Variants in ALPL observed in about 807,000 individuals in gnomAD.
The protein encoded by ALPL is alkaline phosphatase, biomineralization associated.
A neutral mutation model predicts 51.3 loss-of-function variants in ALPL; 42 were observed. The observed-to-expected ratio is 0.82, with a 90% CI of 0.64 to 1.06. ALPL has a LOEUF of 1.06. ALPL is among the 50% of genes least tolerant of loss of function. The pLI, the probability that ALPL is intolerant of heterozygous loss-of-function variation, is 0.00. For synonymous variants in ALPL, 279 were observed against 296.4 expected (o/e 0.94, Z 0.60); for missense variants, 589 against 709.4 (o/e 0.83, Z 1.93).
At chr1:21,551,619 G>A (rs1017523358) in intron 1 of ALPL, among the ~76,000 whole-genome samples, 2 of 150,674 alleles carry the variant, frequency 1.3e-5, no homozygotes, top group African/African-American at 4.9e-5. Flanking sequence ...GTTGTTAGAT[G>A]TTAGATGTGG....
chr1:21,535,707 A>G (rs1349153589), intron 1 of ALPL, among the ~76,000 whole-genome samples: 2 of 152,128 alleles, frequency 1.3e-5, no homozygotes, highest in Non-Finnish European at 2.9e-5. Flanking sequence ...AGCTCATGAC[A>G]CTTAGCTTTC....
chr1:21,523,999 C>CTTTTTT (rs10571494), intron 1 of ALPL, among the ~76,000 whole-genome samples: 3 of 94,548 alleles, frequency 3.2e-5, no homozygotes, highest in African/African-American at 4.1e-5. Context: ...CAAATCTCTG[C>CTTTTTT]TTTTTTTTTT....
chr1:21,561,871 T>C (rs1644490565), intron 4 of ALPL, among the ~76,000 whole-genome samples: 1 of 152,082 alleles, frequency 6.6e-6, no homozygotes, highest in Non-Finnish European at 1.5e-5. Context: ...TTCACCCTGT[T>C]GGCCAGGCTG....
In ALPL at chr1:21,564,210, C is replaced by T. The variant is rs1185263961; in HGVS notation, c.642C>T (p.Asp214=). Reference sequence around the variant, plus strand: ...ACCAGCTCATGCATAACATCAGGGACATTGACGTGAGTGCTCGGGGGCAGC... The same window carrying T: ...ACCAGCTCATGCATAACATCAGGGATATTGACGTGAGTGCTCGGGGGCAGC... The part of the protein sequence containing the change: ...IAYQLMHNIR[D]IDVIMGGGRK... The change falls in exon 6 of 12, where the codon GAC becomes GAT. Residue 214 remains aspartate (D), a synonymous_variant. Transcript: ENST00000374840. This position sits in a 1 kb window ranked among gnomAD's most constrained non-coding sequence, Gnocchi z 5.8. The T allele has an allele frequency of 6.2e-7, 1 of 1,613,652 alleles. No homozygotes were observed. Among genetic ancestry groups the T allele is most frequent in the African/African-American group, 1.3e-5 (1 of 74,900 alleles).
At position 21,568,266 on chromosome 1, in the gene ALPL, A is replaced by T. The variant is rs748489531; in HGVS notation, c.792+19A>T. 6.2e-7 allele frequency: 1 copy of T among 1,613,902 alleles called. No homozygotes were observed. The highest frequency in any genetic ancestry group is 1.1e-5 in the South Asian group (1 of 91,052). The stretch of plus-strand genomic sequence containing the variant: ...ATACAAGGTAGCCTGTGCTGGGGCC[A>T]TGTGGCTGCAGAGGTGGCCTGTGAT... On this transcript the variant is annotated intron_variant, in intron 7 of 11. Transcript: ENST00000374840.
chr1:21,523,520 G>A (rs141368806), intron 1 of ALPL, among the ~76,000 whole-genome samples: 2 of 152,196 alleles, frequency 1.3e-5, no homozygotes, highest in African/African-American at 2.4e-5. Context: ...GCATGCTGGC[G>A]CTATATGATC....
In ALPL at chr1:21,577,589, C is replaced by T; in HGVS notation, c.1516C>T (p.Leu506Phe). ...HCAPASSAGS[L>F]AAGPLLLALA... ...TGCTCCTGCCAGCTCGGCAGGCAGC[C>T]TTGCTGCAGGCCCCCTGCTGCTCGC... Residue 506 changes from leucine (L) to phenylalanine (F), a missense_variant, in exon 12 of 12, where the codon CTT (leucine) becomes TTT (phenylalanine). By Grantham distance (22) the Leu-to-Phe change is conservative. Coordinates refer to ENST00000374840, the MANE Select transcript of ALPL (RefSeq NM_000478.6). 3 of 1,602,106 alleles carry T rather than the reference C, an allele frequency of 1.9e-6. No individual in the cohort carries two copies. Among genetic ancestry groups the T allele is most frequent in the Non-Finnish European group, 2.5e-6 (3 of 1,179,750 alleles).
intron 2 of ALPL, among the ~76,000 whole-genome samples, chr1:21,558,167 A>AGGATTCTGCCCTTGTG: frequency 6.6e-6 from 1 of 152,354 alleles, no homozygotes; most frequent in African/African-American, 2.4e-5. Context: ...GAAAAAGACA[A>AGGATTCTGCCCTTGTG]GGACTCTGCC....
intron 3 of ALPL, 127 bp downstream of exon 3, chr1:21,560,872 T>TG: frequency 7.7e-7 from 1 of 1,304,764 alleles, no homozygotes; most frequent in Non-Finnish European, 1.1e-6. Context: ...TTTAAAAGGA[T>TG]GAGGGGCCAG....
intron 1 of ALPL, among the ~76,000 whole-genome samples, chr1:21,532,471 G>A (rs1450971361): frequency 1.3e-5 from 2 of 152,156 alleles, no homozygotes; most frequent in African/African-American, 2.4e-5. Context: ...GATTACAGGC[G>A]TGAGCTACTG....
chr1:21,565,585 A>G (rs1380077685), intron 6 of ALPL, among the ~76,000 whole-genome samples: 1 of 143,926 alleles, frequency 6.9e-6, no homozygotes, highest in African/African-American at 2.6e-5. Flanking sequence ...AGGGGAGGGA[A>G]GATGTTTCAG....
chr1:21,521,757 C>T (rs879592556), intron 1 of ALPL, among the ~76,000 whole-genome samples: 1 of 152,172 alleles, frequency 6.6e-6, no homozygotes, highest in Admixed American at 6.6e-5. Context: ...GTATGAGGTG[C>T]CCAGTGTCAT....
At chr1:21,552,134 C>CCCCTCCCCTT (rs1644338765) in intron 1 of ALPL, among the ~76,000 whole-genome samples, 1 of 76,958 alleles carries the variant, frequency 1.3e-5, no homozygotes, top group Non-Finnish European at 2.6e-5. Context: ...TCCCTCCCCT[C>CCCCTCCCCTT]CCCTCCCCTC....
At chr1:21,559,832 A>C (rs1644460442) in intron 2 of ALPL, among the ~76,000 whole-genome samples, 1 of 152,154 alleles carries the variant, frequency 6.6e-6, no homozygotes, top group Non-Finnish European at 1.5e-5. Flanking sequence ...TGGGGTTTTA[A>C]TTGAGGTCTG....
rs2071424 is a variant in ALPL, at chr1:21,560,326, C to T, written c.62-300C>T. The stretch of plus-strand genomic sequence containing the variant: ...AATGAGCATGGGCTTTGGAGCGAAA[C>T]CCAGCCCTGCCAGTGTCTGCCTGTG... On this transcript the variant is annotated intron_variant, in intron 2 of 11. Coordinates refer to ENST00000374840, the MANE Select transcript of ALPL (RefSeq NM_000478.6). Among the ~76,000 whole-genome samples, 49,617 of 152,188 alleles carry T rather than the reference C, an allele frequency of 0.33. 8,493 individuals are homozygous for T. Among genetic ancestry groups the T allele is most frequent in the South Asian group, 0.45 (2,180 of 4,824 alleles).
intron 1 of ALPL, among the ~76,000 whole-genome samples, chr1:21,546,734 TA>T (rs888639699): frequency 2.6e-5 from 4 of 152,250 alleles, no homozygotes; most frequent in Admixed American, 2.6e-4. Context: ...GATTTGGGCT[TA>T]AATCCCAACT....
intron 1 of ALPL, among the ~76,000 whole-genome samples, chr1:21,538,100 A>G (rs1354589447): frequency 1.3e-5 from 2 of 152,170 alleles, no homozygotes; most frequent in East Asian, 3.9e-4. Flanking sequence ...TTTAATGCGT[A>G]CCAGGCCCTG....
intron 8 of ALPL, among the ~76,000 whole-genome samples, chr1:21,572,316 C>T (rs1050155006): frequency 3.3e-5 from 5 of 152,100 alleles, no homozygotes; most frequent in Non-Finnish European, 5.9e-5. Flanking sequence ...ACATGGCTGG[C>T]GAGTTGGTCT....
chr1:21,563,283 T>A lies in ALPL; in HGVS notation c.471T>A (p.Ala157=), dbSNP rs1644512874. The A allele has an allele frequency of 6.2e-7, 1 of 1,606,486 alleles. No homozygotes were observed. ...CCATCCTGCGCTGGGCCAAGGACGC[T>A]GGTGAGTCGGGGGAGCAGTGGGGAG... is the stretch of plus-strand genomic sequence containing the variant. The part of the protein sequence containing the change: ...VTSILRWAKD[A]GKSVGIVTTT... Residue 157 remains alanine, a splice_region_variant and synonymous_variant, in exon 5 of 12, where the codon GCT becomes GCA. Coordinates refer to ENST00000374840, the MANE Select transcript of ALPL (RefSeq NM_000478.6).
Sources: allele counts gnomAD v4.1 joint callset (sites outside exome capture counted in the v4.1 genomes callset), GRCh38; gene constraint gnomAD v4.1.1; non-coding constraint Gnocchi (gnomAD v3.1); transcripts MANE v1.5; gene names NCBI Gene and HGNC (gene_info 2026-07-23, HGNC 2026-07-21).